The following SERPINA1 variants were observed in gnomAD, a reference collection of about 807,000 sequenced individuals.
The protein encoded by SERPINA1 is alpha-1-antitrypsin.
SERPINA1 carries 21 observed loss-of-function variants against 25.4 expected under a neutral mutation model. The ratio of observed to expected loss-of-function variants is 0.83; its 90% CI spans 0.59 to 1.19. The LOEUF is 1.19. Ranked by LOEUF, SERPINA1 falls within the 50% of genes most tolerant of loss-of-function variation. The probability of loss-of-function intolerance (pLI) is 0.00; values close to 1 mark genes in which losing one functional copy is unlikely to be tolerated. For synonymous variants in SERPINA1, 218 were observed against 211.1 expected (o/e 1.03, Z -0.29); for missense variants, 546 against 509.0 (o/e 1.07, Z -0.70).
In SERPINA1 at chr14:94,380,912, G is replaced by A; in HGVS notation, c.876C>T (p.Thr292=). 6.2e-7 allele frequency: 1 copy of A among 1,614,182 alleles called. No homozygotes were observed. The highest frequency in any genetic ancestry group is 8.5e-7 in the Non-Finnish European group (1 of 1,180,030). The change falls in exon 3 of 5, where the codon ACC becomes ACT. Residue 292 remains threonine, a synonymous_variant. Coordinates refer to ENST00000393087, the MANE Select transcript of SERPINA1 (RefSeq NM_000295.5). ...CCAGGAACTTGGTGATGATATCGTG[G>A]GTGAGTTCATTTTCCAGGTGCTGTA... ...GKLQHLENEL[T]HDIITKFLEN... is the part of the protein sequence containing the mutation.
At chr14:94,387,862 C>T (rs750996030) in intron 1 of SERPINA1, among the ~76,000 whole-genome samples, 9 of 152,122 alleles carry the variant, frequency 5.9e-5, no homozygotes, top group African/African-American at 2.2e-4. Context: ...TGAGCTTAGC[C>T]GTGGCCTGGT....
intron 1 of SERPINA1, chr14:94,383,761 C>G (rs1897121987): frequency 6.2e-6 from 1 of 162,012 alleles, no homozygotes; most frequent in Admixed American, 5.8e-5. Context: ...AATCAAGAAT[C>G]ATGTCAAGCT....
chr14:94,383,162 C>A lies in SERPINA1; in HGVS notation c.76G>T (p.Asp26Tyr), dbSNP rs750766974. ...CCLVPVSLAE[D>Y]PQGDAAQKTD... ...TTCTGGGCAGCATCTCCCTGGGGAT[C>A]CTCAGCCAGGGAGACAGGGACCAGG... is the stretch of plus-strand genomic sequence containing the variant. Residue 26 changes from aspartate to tyrosine, a missense_variant, in exon 2 of 5, where the codon GAT (aspartate) becomes TAT (tyrosine). By Grantham distance (160) the Asp-to-Tyr change is radical. Transcript: ENST00000393087. 6.2e-7 allele frequency: 1 copy of A among 1,614,206 alleles called. No homozygotes were observed. Among genetic ancestry groups the A allele is most frequent in the Non-Finnish European group, 8.5e-7 (1 of 1,180,040 alleles).
chr14:94,383,079 G>T lies in SERPINA1; in HGVS notation c.159C>A (p.Asn53Lys). The stretch of plus-strand genomic sequence containing the variant: ...ATAGGCTGAAGGCGAACTCAGCCAG[G>T]TTGGGGGTGATCTTGTTGAAGGTTG... ...DHPTFNKITP[N>K]LAEFAFSLYR... Residue 53 changes from asparagine to lysine, a missense_variant, in exon 2 of 5, where the codon AAC becomes AAA. By Grantham distance (94) the Asn-to-Lys change is moderately conservative (BLOSUM62 0). Transcript: ENST00000393087. 1 of 1,614,248 alleles carries T rather than the reference G, an allele frequency of 6.2e-7. No individual in the cohort carries two copies. The highest frequency in any genetic ancestry group is 1.1e-5 in the South Asian group (1 of 91,088).
In SERPINA1 at chr14:94,376,923, T is replaced by C. The variant is rs1896402337; in HGVS notation, c.*1526A>G. ...TCAGGGGGAAAAGTCAGAACTTGGA[T>C]CCAGGTCTTCAGACTCTCAGGTCTG... On this transcript the variant is annotated 3_prime_UTR_variant, in exon 5 of 5. Transcript: ENST00000393087. The C allele has an allele frequency of 6.6e-6, 1 of 152,188 alleles. No homozygotes were observed. The highest frequency in any genetic ancestry group is 1.5e-5 in the Non-Finnish European group (1 of 68,046). 9.4% of individuals were successfully genotyped at this position (152,188 alleles called of 1,614,324 possible).
At chr14:94,389,011 C>T (rs1187731535), upstream of SERPINA1, 1 of 152,402 alleles carries the variant, frequency 6.6e-6, no homozygotes, top group South Asian at 2.1e-4. Flanking sequence ...TACTGCCGCC[C>T]TGGGAGATCA....
chr14:94,380,783 G>A, intron 3 of SERPINA1, 88 bp downstream of exon 3: 1 of 1,555,578 alleles, frequency 6.4e-7, no homozygotes, highest in South Asian at 1.1e-5. Context: ...ACCCTCCTCA[G>A]CCCTCTGGCC....
At chr14:94,379,377 T>C in intron 4 of SERPINA1, 87 bp downstream of exon 4, 1 of 1,579,270 alleles carries the variant, frequency 6.3e-7, no homozygotes, top group Non-Finnish European at 8.7e-7. Flanking sequence ...CCTCGGCCCC[T>C]TCCTCAGCCT....
intron 2 of SERPINA1, 78 bp from the exon 3 acceptor site, chr14:94,381,219 G>A: frequency 6.9e-7 from 1 of 1,453,842 alleles, no homozygotes; most frequent in Non-Finnish European, 9.4e-7. Flanking sequence ...GAAACCATGA[G>A]TCCCCTCCCT....
chr14:94,379,449 T>G lies in SERPINA1; in HGVS notation c.1065+15A>C, dbSNP rs777945198. The G allele has an allele frequency of 1.2e-6, 2 of 1,613,986 alleles. No individual in the cohort carries two copies. The highest frequency in any genetic ancestry group is 1.7e-6 in the Non-Finnish European group (2 of 1,180,040). The stretch of plus-strand genomic sequence containing the variant: ...CAGATACCAGGGTGCAACAAGGTCG[T>G]CAGGGTGATCTCACCTTGGAGAGCT... On this transcript the variant is annotated intron_variant, in intron 4 of 4. Coordinates refer to ENST00000393087, the MANE Select transcript of SERPINA1 (RefSeq NM_000295.5).
Position 94,382,861 on chromosome 14 carries a change from G to C in SERPINA1, c.377C>G (p.Thr126Ser). The C allele has an allele frequency of 6.2e-7, 1 of 1,614,218 alleles. No homozygotes were observed. Among genetic ancestry groups the C allele is most frequent in the Non-Finnish European group, 8.5e-7 (1 of 1,180,022 alleles). ...IHEGFQELLR[T>S]LNQPDSQLQL... is the part of the protein sequence containing the mutation. Reference sequence around the variant, plus strand: ...GAGCTGGCTGTCTGGCTGGTTGAGGGTACGGAGGAGTTCCTGGAAGCCTTC... The same window carrying C: ...GAGCTGGCTGTCTGGCTGGTTGAGGCTACGGAGGAGTTCCTGGAAGCCTTC... Residue 126 changes from threonine to serine, a missense_variant, in exon 2 of 5, where the codon ACC becomes AGC. By Grantham distance (58) the Thr-to-Ser change is moderately conservative. Transcript: ENST00000393087.
chr14:94,384,628 C>T (rs952503636), intron 1 of SERPINA1, among the ~76,000 whole-genome samples: 5 of 152,138 alleles, frequency 3.3e-5, no homozygotes, highest in East Asian at 3.9e-4. Context: ...TAGAACCTGC[C>T]GTCTTCACAG....
intron 1 of SERPINA1, among the ~76,000 whole-genome samples, chr14:94,386,331 C>A (rs917014589): frequency 6.6e-6 from 1 of 152,146 alleles, no homozygotes; most frequent in Non-Finnish European, 1.5e-5. Flanking sequence ...CCACTCCCTG[C>A]CTAATCTCAC....
chr14:94,378,431 T>C lies in SERPINA1; in HGVS notation c.*18A>G, dbSNP rs371674306. 37 of 1,611,352 alleles carry C rather than the reference T, an allele frequency of 2.3e-5. No homozygotes were observed. Among genetic ancestry groups the C allele is most frequent in the Admixed American group, 1.2e-4 (7 of 59,944 alleles). On this transcript the variant is annotated 3_prime_UTR_variant, in exon 5 of 5. Transcript: ENST00000393087. ...GGGGGCCAGGGATGGAGGGGAGGGG[T>C]TGAGGAGCGAGAGGCAGTTATTTTT...
rs780969205 is a variant in SERPINA1 at position 94,383,183 on chromosome 14, C to T, written c.55G>A (p.Val19Ile). The T allele has an allele frequency of 6.2e-7, 1 of 1,614,038 alleles. No individual in the cohort carries two copies. Among genetic ancestry groups the T allele is most frequent in the Non-Finnish European group, 8.5e-7 (1 of 1,180,040 alleles). Residue 19 changes from valine to isoleucine, a missense_variant, in exon 2 of 5, where the codon GTC becomes ATC. Val to Ile is a conservative substitution (Grantham distance 29). Coordinates refer to ENST00000393087, the MANE Select transcript of SERPINA1 (RefSeq NM_000295.5). ...ILLLAGLCCL[V>I]PVSLAEDPQG... is the part of the protein sequence containing the mutation. ...GGATCCTCAGCCAGGGAGACAGGGA[C>T]CAGGCAGCACAGGCCTGCCAGCAGG...
At chr14:94,385,749 A>G (rs1897246583) in intron 1 of SERPINA1, among the ~76,000 whole-genome samples, 1 of 152,178 alleles carries the variant, frequency 6.6e-6, no homozygotes, top group Non-Finnish European at 1.5e-5. Flanking sequence ...GGAGGTGGAG[A>G]GGCTGGTGCA....
intron 1 of SERPINA1, among the ~76,000 whole-genome samples, chr14:94,386,210 A>G (rs1310495101): frequency 6.6e-6 from 1 of 152,234 alleles, no homozygotes; most frequent in Admixed American, 6.5e-5. Context: ...CCCATGGTGT[A>G]CGGACACTGA....
intron 1 of SERPINA1, among the ~76,000 whole-genome samples, chr14:94,388,340 C>T (rs188365306): frequency 5.5e-4 from 83 of 152,254 alleles, no homozygotes; most frequent in African/African-American, 1.9e-3. Context: ...CCAGGAGGTA[C>T]CGAGGGGGGA....
rs541257510 is a variant in SERPINA1, at chr14:94,378,252, T to A, written c.*197A>T. 1.3e-4 allele frequency: 78 copies of A among 614,216 alleles called. No individual in the cohort carries two copies. The African/African-American group carries it at 1.3e-3, about 11-fold the overall frequency. 38.0% of individuals were successfully genotyped at this position (614,216 alleles called of 1,614,324 possible). ...TGTGCCTACCCAGCCAGATGCTCCATGAACACAGTTCAGGGGGCCCGAAGA... is the reference window on the plus strand; with the variant it reads ...TGTGCCTACCCAGCCAGATGCTCCAAGAACACAGTTCAGGGGGCCCGAAGA... On this transcript the variant is annotated 3_prime_UTR_variant, in exon 5 of 5. Transcript: ENST00000393087.
Sources: allele counts gnomAD v4.1 joint callset (sites outside exome capture counted in the v4.1 genomes callset), GRCh38; gene constraint gnomAD v4.1.1; transcripts MANE v1.5; gene names NCBI Gene and HGNC (gene_info 2026-07-23, HGNC 2026-07-21).